Variants in SPATA21 observed in about 807,000 individuals in gnomAD.
SPATA21 encodes spermatogenesis associated 21.
SPATA21 carries 47 observed loss-of-function variants against 54.8 expected under a neutral mutation model. The ratio of observed to expected loss-of-function variants is 0.86; its 90% CI spans 0.68 to 1.09. SPATA21 has a LOEUF of 1.09. Ranked by LOEUF, SPATA21 falls within the 50% of genes least tolerant of loss-of-function variation. The pLI is 0.00. For missense variants in SPATA21, 599 were observed against 596.4 expected, an observed-to-expected ratio of 1.00 and a Z score of -0.05; for synonymous variants, 245 against 235.3, an observed-to-expected ratio of 1.04 and a Z score of -0.38.
intron 3 of SPATA21, among the ~76,000 whole-genome samples, chr1:16,424,244 C>G (rs1348217547): frequency 3.6e-4 from 1 of 2,796 alleles, no homozygotes; most frequent in Admixed American, 4.1e-3. Flanking sequence ...ACCTGGGAGG[C>G]AGAGCTTGCA....
rs2085492561 is a variant in SPATA21, at chr1:16,402,664, C to T, written c.1001+1063G>A. 2.6e-5 allele frequency among the ~76,000 whole-genome samples: 4 copies of T among 152,114 alleles called. 1 individual carries two copies. In the South Asian group the frequency reaches 8.3e-4, roughly 32 times the overall value. On this transcript the variant is annotated intron_variant, in intron 10 of 12. Coordinates refer to ENST00000335496, the MANE Select transcript of SPATA21 (RefSeq NM_198546.1). ...CTCGAACTCCCGGGCTCAAGCAGCC[C>T]TTCCCCTTGAGCCTCCTGAGTAGCT...
intron 3 of SPATA21, chr1:16,425,567 C>CGTTG: frequency 6.5e-7 from 1 of 1,549,812 alleles, no homozygotes; most frequent in Non-Finnish European, 8.7e-7. Context: ...TCCCCGGTTC[C>CGTTG]GTTGCCTCCC....
Position 16,409,051 on chromosome 1 carries a change from G to T in SPATA21, c.673+67C>A. ...TGGAAAGCACCCCAGTCCGCCCTGCGCCTATAAACCCCCAAGGACCAAGGG... is the reference window on the plus strand; with the variant it reads ...TGGAAAGCACCCCAGTCCGCCCTGCTCCTATAAACCCCCAAGGACCAAGGG... On this transcript the variant is annotated intron_variant, in intron 7 of 12. Transcript: ENST00000335496. The surrounding 1 kb of genome is among the most constrained non-coding windows in gnomAD (Gnocchi z 4.1). The T allele has an allele frequency of 6.5e-7, 1 of 1,548,560 alleles. No homozygotes were observed. The highest frequency in any genetic ancestry group is 1.4e-5 in the African/African-American group (1 of 73,506).
At chr1:16,433,727 G>C (rs1435669471) in intron 1 of SPATA21, among the ~76,000 whole-genome samples, 1 of 152,198 alleles carries the variant, frequency 6.6e-6, no homozygotes, top group Non-Finnish European at 1.5e-5. Context: ...AGACAAGGAG[G>C]GGAAGCCCCA....
At chr1:16,430,529 G>T (rs1335905005) in intron 3 of SPATA21, among the ~76,000 whole-genome samples, 1 of 152,162 alleles carries the variant, frequency 6.6e-6, no homozygotes, top group Non-Finnish European at 1.5e-5. Flanking sequence ...TCTGGGGAGG[G>T]GCATGGAGGG....
At chr1:16,419,451 G>C (rs572967206) in intron 5 of SPATA21, among the ~76,000 whole-genome samples, 1 of 152,196 alleles carries the variant, frequency 6.6e-6, no homozygotes, top group Non-Finnish European at 1.5e-5. Context: ...AGGGCTTGTT[G>C]ACACGTGAAA....
chr1:16,434,289 CTT>C (rs1423221525), intron 1 of SPATA21, among the ~76,000 whole-genome samples: 24 of 141,564 alleles, frequency 1.7e-4, no homozygotes, highest in Middle Eastern at 3.3e-3. Context: ...TTTTTTCTTT[CTT>C]TTTTTTTTTT....
chr1:16,415,269 C>T (rs2085968507), intron 5 of SPATA21, among the ~76,000 whole-genome samples: 2 of 152,108 alleles, frequency 1.3e-5, no homozygotes, highest in South Asian at 2.1e-4. Context: ...GCCCAGGAGG[C>T]GGAGGTTGCA....
At chr1:16,420,274 C>A (rs750315214) in intron 5 of SPATA21, among the ~76,000 whole-genome samples, 5 of 151,948 alleles carry the variant, frequency 3.3e-5, no homozygotes, top group Non-Finnish European at 5.9e-5. Flanking sequence ...CCGATAAAAG[C>A]TCTCATATGG....
intron 1 of SPATA21, among the ~76,000 whole-genome samples, chr1:16,436,060 G>T (rs2086578193): frequency 2.6e-5 from 4 of 151,674 alleles, no homozygotes; most frequent in Admixed American, 2.6e-4. Flanking sequence ...AGACCAGCCT[G>T]GCCAGCAAGG....
At chr1:16,420,061 G>A (rs1013483614) in intron 5 of SPATA21, among the ~76,000 whole-genome samples, 1 of 152,130 alleles carries the variant, frequency 6.6e-6, no homozygotes, top group Non-Finnish European at 1.5e-5. Flanking sequence ...CCCGAGGGTG[G>A]AGAAGATGAG....
In SPATA21 at chr1:16,409,276, G is replaced by T; in HGVS notation, c.588-73C>A. 1 of 1,559,066 alleles carries T rather than the reference G, an allele frequency of 6.4e-7. No individual in the cohort carries two copies. The highest frequency in any genetic ancestry group is 1.1e-5 in the South Asian group (1 of 89,154). ...CTGCTGATAGCTAGGGGAGGGGTTG[G>T]GGGAGCCTGCAGGAGGAGGTCGTGG... On this transcript the variant is annotated intron_variant, in intron 6 of 12. Coordinates refer to ENST00000335496, the MANE Select transcript of SPATA21 (RefSeq NM_198546.1). This position sits in a 1 kb window ranked among gnomAD's most constrained non-coding sequence, Gnocchi z 4.1.
intron 10 of SPATA21, among the ~76,000 whole-genome samples, chr1:16,402,120 G>A (rs2085465790): frequency 6.6e-6 from 1 of 152,138 alleles, no homozygotes; most frequent in African/African-American, 2.4e-5. Flanking sequence ...CTGCCCCAGG[G>A]ATTCTCTGAC....
chr1:16,436,536 G>A (rs1180839469), intron 1 of SPATA21, among the ~76,000 whole-genome samples: 1 of 151,992 alleles, frequency 6.6e-6, no homozygotes, highest in Non-Finnish European at 1.5e-5. Context: ...GATGCCAAGG[G>A]GGGCAGATCA....
intron 3 of SPATA21, 22 bp downstream of exon 3, chr1:16,431,316 G>A (rs371467493): frequency 9.9e-5 from 160 of 1,614,022 alleles, no homozygotes; most frequent in African/African-American, 4.5e-4. Flanking sequence ...ACTTGGCTGC[G>A]TCCCTGGAGC....
At chr1:16,432,980 T>C (rs1557676399) in intron 1 of SPATA21, 56 bp from the exon 2 acceptor site, 1 of 152,264 alleles carries the variant, frequency 6.6e-6, no homozygotes, top group Non-Finnish European at 1.5e-5. Context: ...CGATACCACA[T>C]GGCCAGTCTG....
rs2085576338 is a variant in SPATA21 at position 16,404,828 on chromosome 1, G to A, written c.811+139C>T. The A allele has an allele frequency of 1.2e-5, 12 of 976,942 alleles. No homozygotes were observed. In the South Asian group the frequency reaches 2.6e-4, roughly 21 times the overall value. 60.5% of individuals were successfully genotyped at this position (976,942 alleles called of 1,614,324 possible). The stretch of plus-strand genomic sequence containing the variant: ...CGTCTCAAACAACAAGAACAACAAA[G>A]GCATTTCTAGACTGTGACAGTAGAG... On this transcript the variant is annotated intron_variant, in intron 8 of 12. Coordinates refer to ENST00000335496, the MANE Select transcript of SPATA21 (RefSeq NM_198546.1).
intron 5 of SPATA21, among the ~76,000 whole-genome samples, chr1:16,415,431 CGGGGACTCCCCATGGCCCTCT>C (rs1294048396): frequency 6.6e-6 from 1 of 152,294 alleles, no homozygotes; most frequent in Admixed American, 6.5e-5. Flanking sequence ...CATGGCCCTC[CGGGGACTCCCCATGGCCCTCT>C]GGGGACTACA....
rs2086612179 is a variant in SPATA21 at position 16,437,413 on chromosome 1, C to T, written c.-472G>A. ...GACAGTGTCATTTCCCCCAGCTTGT[C>T]ACTGGTTCAGTGGCCCCCATTACAC... On this transcript the variant is annotated 5_prime_UTR_variant, in exon 1 of 13. Coordinates refer to ENST00000335496, the MANE Select transcript of SPATA21 (RefSeq NM_198546.1). The T allele has an allele frequency of 6.6e-6, 1 of 152,232 alleles. No individual in the cohort carries two copies. The highest frequency in any genetic ancestry group is 1.5e-5 in the Non-Finnish European group (1 of 68,066). 9.4% of individuals were successfully genotyped at this position (152,232 alleles called of 1,614,324 possible). A position where few individuals can be genotyped will look rare whatever the true frequency, so the allele number is the denominator to read the frequency against.
Sources: allele counts gnomAD v4.1 joint callset (sites outside exome capture counted in the v4.1 genomes callset), GRCh38; gene constraint gnomAD v4.1.1; non-coding constraint Gnocchi (gnomAD v3.1); transcripts MANE v1.5; gene names NCBI Gene and HGNC (gene_info 2026-07-23, HGNC 2026-07-21).